NIBAN2: variants seen among roughly 807,000 people sequenced by gnomAD.
The protein encoded by NIBAN2 is niban apoptosis regulator 2, also known as protein Niban 2.
A neutral mutation model predicts 81.8 loss-of-function variants in NIBAN2; 36 were observed. The ratio of observed to expected loss-of-function variants is 0.44; its 90% CI spans 0.34 to 0.58. NIBAN2 has a LOEUF of 0.58. Ranked by LOEUF, NIBAN2 falls within the 20% of genes least tolerant of loss-of-function variation. The pLI, the probability that NIBAN2 is intolerant of heterozygous loss-of-function variation, is 0.02. For missense variants in NIBAN2, 897 were observed against 1,014.1 expected, an observed-to-expected ratio of 0.88 and a Z score of 1.57; for synonymous variants, 445 against 441.6, an observed-to-expected ratio of 1.01 and a Z score of -0.10.
intron 1 of NIBAN2, among the ~76,000 whole-genome samples, chr9:127,549,417 A>G (rs994981302): frequency 3.3e-5 from 5 of 151,912 alleles, no homozygotes; most frequent in African/African-American, 1.2e-4. Context: ...GCACGCCCAC[A>G]CGCATGCACT....
In NIBAN2 at chr9:127,527,338, G is replaced by A; in HGVS notation, c.187-16C>T. 1 of 1,611,118 alleles carries A rather than the reference G, an allele frequency of 6.2e-7. No individual in the cohort carries two copies. Among genetic ancestry groups the A allele is most frequent in the Non-Finnish European group, 8.5e-7 (1 of 1,179,004 alleles). ...CCAGTGGCACCTGTGGGCAGGAGCGGGTGGGGAGTGAGGCCCAGGTCTGGG... is the reference window on the plus strand; with the variant it reads ...CCAGTGGCACCTGTGGGCAGGAGCGAGTGGGGAGTGAGGCCCAGGTCTGGG... On this transcript the variant is annotated splice_polypyrimidine_tract_variant and intron_variant, in intron 2 of 13. Transcript: ENST00000373312.
intron 8 of NIBAN2, among the ~76,000 whole-genome samples, chr9:127,516,001 G>T (rs1836822762): frequency 6.6e-6 from 1 of 152,168 alleles, no homozygotes; most frequent in Non-Finnish European, 1.5e-5. Context: ...TGCTGGGCGT[G>T]GTGGCACATG....
At position 127,507,349 on chromosome 9, in the gene NIBAN2, G is replaced by T; in HGVS notation, c.1737C>A (p.His579Gln). Reference sequence around the variant, plus strand: ...CGATGGGGGCGCCCTCGGCCAGCAGGTGCAGGTTGGGGTCGCTGTTGTGCA... The same window carrying T: ...CGATGGGGGCGCCCTCGGCCAGCAGTTGCAGGTTGGGGTCGCTGTTGTGCA... Reference protein sequence around the residue: ...MVMHNSDPNLHLLAEGAPIDW... With the variant: ...MVMHNSDPNLQLLAEGAPIDW... Residue 579 changes from histidine (H) to glutamine (Q), a missense_variant, in exon 14 of 14, where the codon CAC (histidine) becomes CAA (glutamine). Physicochemically the swap from His to Gln is conservative, Grantham distance 24. Around this residue, in one of 3 missense-constraint regions of NIBAN2, gnomAD observed 619 missense variants for 691.0 expected, o/e 0.90. Coordinates refer to ENST00000373312, the MANE Select transcript of NIBAN2 (RefSeq NM_022833.4). This position sits in a 1 kb window ranked among gnomAD's most constrained non-coding sequence, Gnocchi z 6.8. 1.3e-6 allele frequency: 2 copies of T among 1,545,628 alleles called. No homozygotes were observed. The highest frequency in any genetic ancestry group is 1.7e-6 in the Non-Finnish European group (2 of 1,143,552).
At chr9:127,555,813 T>C (rs1837657776) in intron 1 of NIBAN2, among the ~76,000 whole-genome samples, 1 of 152,182 alleles carries the variant, frequency 6.6e-6, no homozygotes, top group South Asian at 2.1e-4. Flanking sequence ...CCTCCGGTAA[T>C]GATTTTAATT....
chr9:127,538,630 G>GAAA (rs11341312), intron 1 of NIBAN2, among the ~76,000 whole-genome samples: 2 of 127,380 alleles, frequency 1.6e-5, no homozygotes. Context: ...CCATCTCAAA[G>GAAA]AAAAAAAAAA....
At chr9:127,512,265 G>A (rs924619399) in intron 8 of NIBAN2, among the ~76,000 whole-genome samples, 4 of 151,000 alleles carry the variant, frequency 2.6e-5, no homozygotes, top group Non-Finnish European at 5.9e-5. Context: ...CGCCTTTCCG[G>A]ACTGAACCAT....
In NIBAN2 at chr9:127,575,568, C is replaced by T. The variant is rs183602321; in HGVS notation, c.16+3354G>A. On this transcript the variant is annotated intron_variant, in intron 1 of 13. Transcript: ENST00000373314. ...CTTTTGAGATGGAGTCTTGCTCTGT[C>T]GTCCAGGCTGGAGTGCAGTGGCGGG... 9.2e-4 allele frequency among the ~76,000 whole-genome samples: 125 copies of T among 136,578 alleles called. 2 individuals are homozygous for T. In the East Asian group the frequency reaches 0.025, roughly 27 times the overall value. The allele number at this position is 136,578 out of a possible 152,430, so 89.6% of individuals were successfully genotyped here.
At chr9:127,518,603 C>G (rs1836877633) in intron 5 of NIBAN2, among the ~76,000 whole-genome samples, 1 of 152,260 alleles carries the variant, frequency 6.6e-6, no homozygotes, top group African/African-American at 2.4e-5. Context: ...ATTGGCTGAT[C>G]TGGGCCCATA....
intron 1 of NIBAN2, among the ~76,000 whole-genome samples, chr9:127,551,034 T>G (rs1033680298): frequency 2.7e-4 from 41 of 151,932 alleles, no homozygotes; most frequent in Admixed American, 2.4e-3. Context: ...TGTGTTCCCA[T>G]TAAGAAAAGG....
chr9:127,574,109 T>C (rs1040011559), intron 1 of NIBAN2, among the ~76,000 whole-genome samples: 2 of 152,248 alleles, frequency 1.3e-5, no homozygotes, highest in African/African-American at 4.8e-5. Flanking sequence ...TCTAAGACTC[T>C]GGACGCTGTC....
rs1837730679 is a variant in NIBAN2 at position 127,559,339 on chromosome 9, A to G, written c.55+9481T>C. On this transcript the variant is annotated intron_variant, in intron 1 of 13. Coordinates refer to ENST00000373312, the MANE Select transcript of NIBAN2 (RefSeq NM_022833.4). This position sits in a 1 kb window ranked among gnomAD's most constrained non-coding sequence, Gnocchi z 4.0. Reference sequence around the variant, plus strand: ...GCCTTCAGTGCAGCCTAAGGCCCACAGGTTCCTAAGGGGTCACAGCTGGAA... The same window carrying G: ...GCCTTCAGTGCAGCCTAAGGCCCACGGGTTCCTAAGGGGTCACAGCTGGAA... 6.6e-6 allele frequency among the ~76,000 whole-genome samples: 1 copy of G among 152,246 alleles called. No individual in the cohort carries two copies. The highest frequency in any genetic ancestry group is 6.5e-5 in the Admixed American group (1 of 15,280).
intron 1 of NIBAN2, among the ~76,000 whole-genome samples, chr9:127,534,440 G>C (rs1837237660): frequency 6.6e-6 from 1 of 152,218 alleles, no homozygotes; most frequent in Non-Finnish European, 1.5e-5. Flanking sequence ...CACACAGCCA[G>C]TGGGTGGTAG....
intron 1 of NIBAN2, among the ~76,000 whole-genome samples, chr9:127,564,242 G>A (rs2249489): frequency 0.27 from 40,453 of 149,756 alleles, 5,575 homozygotes; most frequent in East Asian, 0.29. Context: ...GCAATGAGCC[G>A]AGATCATGCC....
In NIBAN2 at chr9:127,508,195, G is replaced by A. The variant is rs777046392; in HGVS notation, c.1440C>T (p.Tyr480=). 1.2e-5 allele frequency: 19 copies of A among 1,612,616 alleles called. No individual in the cohort carries two copies. The East Asian group carries it at 1.8e-4, about 15-fold the overall frequency. ...QRVLERVLKK[Y]DYDSSSVRKR... ...TCCGCACAGAGCTGCTGTCGTAGTCGTATTTCTGCAGGGAACAAGGGGGTC... is the reference window on the plus strand; with the variant it reads ...TCCGCACAGAGCTGCTGTCGTAGTCATATTTCTGCAGGGAACAAGGGGGTC... The change falls in exon 12 of 14, where the codon TAC becomes TAT. Residue 480 remains tyrosine (Y), a synonymous_variant. Transcript: ENST00000373312. The surrounding 1 kb of genome is among the most constrained non-coding windows in gnomAD (Gnocchi z 6.4).
intron 8 of NIBAN2, among the ~76,000 whole-genome samples, chr9:127,514,390 T>A (rs1324121981): frequency 1.3e-5 from 2 of 151,936 alleles, no homozygotes; most frequent in Non-Finnish European, 2.9e-5. Flanking sequence ...GCATGCCTGA[T>A]CAAAACATCT....
In NIBAN2 at chr9:127,523,191, AAATATATATATATATATATATAT is replaced by A. The variant is rs1564301331; in HGVS notation, c.589+465_589+487del. 1.4e-3 allele frequency among the ~76,000 whole-genome samples: 22 copies of A among 15,514 alleles called. 2 individuals carry two copies. The highest frequency in any genetic ancestry group is 5.0e-3 in the African/African-American group (15 of 2,998). 10.2% of individuals were successfully genotyped at this position (15,514 alleles called of 152,430 possible). ...TTTTAAAAAAAAAAAAAAAAAAAAA[AAATATATATATATATATATATAT>A]ATATATATATATATATATATATATA... On this transcript the variant is annotated intron_variant, in intron 5 of 13. Coordinates refer to ENST00000373312, the MANE Select transcript of NIBAN2 (RefSeq NM_022833.4).
chr9:127,527,327 G>C lies in NIBAN2; in HGVS notation c.187-5C>G. ...GATGCGCTCGTCCAGTGGCACCTGT[G>C]GGCAGGAGCGGGTGGGGAGTGAGGC... On this transcript the variant is annotated splice_region_variant and splice_polypyrimidine_tract_variant and intron_variant, in intron 2 of 13. Coordinates refer to ENST00000373312, the MANE Select transcript of NIBAN2 (RefSeq NM_022833.4). 6.2e-7 allele frequency: 1 copy of C among 1,612,922 alleles called. No individual in the cohort carries two copies. Among genetic ancestry groups the C allele is most frequent in the Non-Finnish European group, 8.5e-7 (1 of 1,179,744 alleles).
At chr9:127,577,752 G>A (rs1344417995) in intron 1 of NIBAN2, among the ~76,000 whole-genome samples, 1 of 151,192 alleles carries the variant, frequency 6.6e-6, no homozygotes, top group African/African-American at 2.5e-5. Context: ...CTCTTGCTCT[G>A]TAACCCAGGC....
intron 1 of NIBAN2, among the ~76,000 whole-genome samples, chr9:127,542,134 G>C (rs1416148391): frequency 6.6e-6 from 1 of 152,212 alleles, no homozygotes; most frequent in Non-Finnish European, 1.5e-5. Context: ...AAACCTTCCA[G>C]TGGTACAGCT....
Sources: gnomAD v4.1 joint callset for allele counts (sites outside exome capture counted in the v4.1 genomes callset) on GRCh38, gnomAD v4.1.1 for gene constraint, gnomAD v4.1.1 regional missense constraint, Gnocchi (gnomAD v3.1) non-coding constraint, MANE v1.5 for transcripts, NCBI Gene and HGNC (gene_info 2026-07-23, HGNC 2026-07-21) for gene names.